The following LRRC49 variants were observed in gnomAD, a reference collection of about 807,000 sequenced individuals.
LRRC49 encodes the protein leucine-rich repeat-containing protein 49.
Under a neutral mutation model 83.3 loss-of-function variants are expected in LRRC49, and 50 were observed. That is an observed-to-expected ratio of 0.60 (90% CI 0.48 to 0.76). LRRC49 has a LOEUF of 0.76. Ranked by LOEUF, LRRC49 falls within the 30% of genes least tolerant of loss-of-function variation. LRRC49 has a pLI of 0.00. For synonymous variants in LRRC49, 286 were observed against 283.3 expected (o/e 1.01, Z -0.10); for missense variants, 704 against 809.1 (o/e 0.87, Z 1.58).
chr15:70,858,909 G>C, intron 1 of LRRC49: 6 of 773,634 alleles, frequency 7.8e-6, no homozygotes, highest in Non-Finnish European at 1.4e-5. Flanking sequence ...CATCACCGCT[G>C]TCACGGTCAA....
intron 1 of LRRC49, among the ~76,000 whole-genome samples, chr15:70,866,114 G>GTATT (rs71880311): frequency 0.15 from 21,676 of 142,016 alleles, 1,857 homozygotes; most frequent in African/African-American, 0.18. Flanking sequence ...TACATGTAAA[G>GTATT]TATTTATTTA....
chr15:71,048,787 G>A (rs368977529), intron 15 of LRRC49: 92 of 455,938 alleles, frequency 2.0e-4, no homozygotes, highest in Non-Finnish European at 3.4e-4. Flanking sequence ...TTTTCACACT[G>A]CCAGACCCAG....
At chr15:70,942,175 C>T (rs999493270) in intron 8 of LRRC49, among the ~76,000 whole-genome samples, 2 of 152,028 alleles carry the variant, frequency 1.3e-5, no homozygotes, top group Non-Finnish European at 2.9e-5. Context: ...AGTCTGAGTT[C>T]ACACATACAT....
rs573696126 is a variant in LRRC49 at position 70,921,510 on chromosome 15, T to A, written c.711+2317T>A. The stretch of plus-strand genomic sequence containing the variant: ...CAAAAATAGCTGTTGAGTAGACAGA[T>A]CTTTGATTATACACTACTTGATTCA... On this transcript the variant is annotated intron_variant, in intron 7 of 15. Transcript: ENST00000260382. Among the ~76,000 whole-genome samples, 4 of 152,294 alleles carry A rather than the reference T, an allele frequency of 2.6e-5. No individual in the cohort carries two copies. The South Asian group carries it at 6.2e-4, about 24-fold the overall frequency.
At chr15:71,025,350 C>A (rs992298781) in intron 14 of LRRC49, among the ~76,000 whole-genome samples, 1 of 152,112 alleles carries the variant, frequency 6.6e-6, no homozygotes, top group African/African-American at 2.4e-5. Context: ...GTGGACCTCT[C>A]AGCAGAAAGC....
At chr15:70,996,812 C>G (rs2038089569) in intron 11 of LRRC49, among the ~76,000 whole-genome samples, 4 of 152,162 alleles carry the variant, frequency 2.6e-5, no homozygotes, top group African/African-American at 9.7e-5. Flanking sequence ...ATCAGCTACA[C>G]TTTTGTAATT....
intron 1 of LRRC49, among the ~76,000 whole-genome samples, chr15:70,870,279 G>A (rs1418252542): frequency 4.6e-5 from 7 of 152,242 alleles, no homozygotes; most frequent in African/African-American, 1.7e-4. Flanking sequence ...GATTGCTGCA[G>A]AGCAGCCCAC....
chr15:70,905,618 G>C (rs1365115398), intron 5 of LRRC49, among the ~76,000 whole-genome samples: 7 of 152,170 alleles, frequency 4.6e-5, no homozygotes, highest in African/African-American at 1.7e-4. Context: ...CCTTATAAAT[G>C]AATATCCTCC....
intron 14 of LRRC49, among the ~76,000 whole-genome samples, chr15:71,013,411 C>G (rs1176992708): frequency 2.0e-5 from 3 of 152,176 alleles, no homozygotes; most frequent in Admixed American, 1.3e-4. Flanking sequence ...GCTTTCCAAT[C>G]CATGCCAAGC....
Position 70,868,690 on chromosome 15 carries a change from C to T in LRRC49, c.-298-4218C>T, listed in dbSNP as rs555021109. On this transcript the variant is annotated intron_variant, in intron 1 of 16. Coordinates refer to the LRRC49 transcript ENST00000544974. ...CAACTGGTCTGGGGACCATAAGAAT[C>T]TCAGCTTTAAACTTGGGTCACCCCA... Among the ~76,000 whole-genome samples the T allele has an allele frequency of 2.6e-5, 4 of 152,366 alleles. No homozygotes were observed. The East Asian group carries it at 7.7e-4, about 29-fold the overall frequency.
upstream of LRRC49, chr15:70,891,947 A>T (rs1199418496): frequency 6.2e-7 from 1 of 1,613,586 alleles, no homozygotes; most frequent in Non-Finnish European, 8.5e-7. Context: ...TCGCGTGTCC[A>T]GGCGGCCTGC....
intron 14 of LRRC49, among the ~76,000 whole-genome samples, chr15:71,025,709 A>AAG (rs1369401459): frequency 6.6e-6 from 1 of 151,320 alleles, no homozygotes; most frequent in East Asian, 1.9e-4. Context: ...AATAGAAAGA[A>AAG]AAAAAAAAAC....
At chr15:70,859,667 G>A in intron 1 of LRRC49, 1 of 653,888 alleles carries the variant, frequency 1.5e-6, no homozygotes. Context: ...CCGGCTCCAG[G>A]CTGAGATTAA....
At chr15:70,857,163 T>C (rs1406072109) in intron 1 of LRRC49, among the ~76,000 whole-genome samples, 2 of 152,100 alleles carry the variant, frequency 1.3e-5, no homozygotes, top group Admixed American at 1.3e-4. Context: ...AGGAAGCACA[T>C]TGACAAGCCA....
At chr15:70,882,124 T>C (rs1000137025) in intron 2 of LRRC49, 2 of 208,212 alleles carry the variant, frequency 9.6e-6, no homozygotes, top group African/African-American at 4.7e-5. Context: ...TGTAGGAGCG[T>C]TGCTTCTGAA....
intron 7 of LRRC49, among the ~76,000 whole-genome samples, chr15:70,924,644 A>G (rs1248180149): frequency 1.3e-5 from 2 of 151,850 alleles, no homozygotes; most frequent in African/African-American, 2.4e-5. Flanking sequence ...TATTGTTTCC[A>G]GTCAGTGCTT....
chr15:71,000,237 A>AGCATATTT (rs1387120896), intron 11 of LRRC49, among the ~76,000 whole-genome samples: 1 of 152,070 alleles, frequency 6.6e-6, no homozygotes, highest in African/African-American at 2.4e-5. Flanking sequence ...TTTTGTTCCT[A>AGCATATTT]GCATATTTGT....
At chr15:71,020,146 G>T (rs2038949202) in intron 14 of LRRC49, among the ~76,000 whole-genome samples, 1 of 152,022 alleles carries the variant, frequency 6.6e-6, no homozygotes, top group Non-Finnish European at 1.5e-5. Context: ...GAAACCAAAA[G>T]AAATTATATA....
intron 7 of LRRC49, among the ~76,000 whole-genome samples, chr15:70,925,617 G>A: frequency 6.6e-6 from 1 of 152,062 alleles, no homozygotes; most frequent in Non-Finnish European, 1.5e-5. Context: ...TTGTCTTATA[G>A]TATCAAAACA....
Sources: gnomAD v4.1 joint callset for allele counts (sites outside exome capture counted in the v4.1 genomes callset) on GRCh38, gnomAD v4.1.1 for gene constraint, MANE v1.5 for transcripts, NCBI Gene and HGNC (gene_info 2026-07-23, HGNC 2026-07-21) for gene names.